Variants in PCDHGA4 observed in about 807,000 individuals in gnomAD.
PCDHGA4 encodes the protein protocadherin gamma-A4.
Under a neutral mutation model 54.6 loss-of-function variants are expected in PCDHGA4, and 38 were observed. That is an observed-to-expected ratio of 0.70 (90% CI 0.54 to 0.91). PCDHGA4 has a LOEUF of 0.91. Ranked by LOEUF, PCDHGA4 falls within the 40% of genes least tolerant of loss-of-function variation. The pLI is 0.00. For missense variants in PCDHGA4, 1,298 were observed against 1,220.9 expected, an observed-to-expected ratio of 1.06 and a Z score of -0.94; for synonymous variants, 511 against 512.9, an observed-to-expected ratio of 1.00 and a Z score of 0.05.
intron 1 of PCDHGA4, chr5:141,383,701 G>A (rs761689266): frequency 2.5e-6 from 4 of 1,613,810 alleles, no homozygotes; most frequent in South Asian, 1.1e-5. Flanking sequence ...ACATGCTATC[G>A]ACCTGGACGA....
chr5:141,401,922 A>C (rs899426870), intron 1 of PCDHGA4, among the ~76,000 whole-genome samples: 10 of 152,194 alleles, frequency 6.6e-5, no homozygotes, highest in Non-Finnish European at 1.3e-4. Flanking sequence ...AGTTTAAGTG[A>C]TGCTTAGAAT....
In PCDHGA4 at chr5:141,485,216, G is replaced by C. The variant is rs757059807; in HGVS notation, c.2515-9591G>C. On this transcript the variant is annotated intron_variant, in intron 1 of 3. Transcript: ENST00000571252. The surrounding 1 kb of genome is among the most constrained non-coding windows in gnomAD (Gnocchi z 5.7). ...AAGCTGGACAGAAATCTGGCGGTGG[G>C]CTACCCTTTTGTTCCTCTTTTACCA... 2.5e-6 allele frequency: 4 copies of C among 1,614,144 alleles called. No homozygotes were observed. In the South Asian group the frequency reaches 4.4e-5, roughly 18 times the overall value.
In PCDHGA4 at chr5:141,400,505, C is replaced by T. The variant is rs759107285; in HGVS notation, c.2514+42884C>T. The stretch of plus-strand genomic sequence containing the variant: ...TTTCCACTTTGTAATTCCAGCGAGT[C>T]GACTTCCCATCCTGAGTTGGTGAGT... On this transcript the variant is annotated intron_variant, in intron 1 of 3. Transcript: ENST00000571252. 9 of 1,613,816 alleles carry T rather than the reference C, an allele frequency of 5.6e-6. No homozygotes were observed. In the African/African-American group the frequency reaches 6.7e-5, roughly 12 times the overall value.
chr5:141,414,855 C>T (rs2095795912), intron 1 of PCDHGA4: 3 of 1,614,236 alleles, frequency 1.9e-6, no homozygotes, highest in Non-Finnish European at 2.5e-6. Flanking sequence ...TGGACCAGAA[C>T]GACAATGCGC....
intron 1 of PCDHGA4, chr5:141,388,021 T>G (rs933819691): frequency 6.9e-7 from 1 of 1,457,968 alleles, no homozygotes; most frequent in Non-Finnish European, 9.3e-7. Flanking sequence ...AAGGGCTCCG[T>G]AGTGGGGAAC....
intron 1 of PCDHGA4, among the ~76,000 whole-genome samples, chr5:141,437,246 C>A (rs897787623): frequency 6.6e-6 from 1 of 152,144 alleles, no homozygotes; most frequent in Non-Finnish European, 1.5e-5. Context: ...CAAGGACTTT[C>A]CTTGTCTTTT....
In PCDHGA4 at chr5:141,432,872, C is replaced by A. The variant is rs73280906; in HGVS notation, c.2515-61935C>A. The stretch of plus-strand genomic sequence containing the variant: ...GGTGGCCGCGGTCTCCTGCGTCTTC[C>A]TGGCCTTCGTCATCTTGCTGCTGGC... On this transcript the variant is annotated intron_variant, in intron 1 of 3. Transcript: ENST00000571252. The surrounding 1 kb of genome is among the most constrained non-coding windows in gnomAD (Gnocchi z 6.0). 2,361 of 1,614,192 alleles carry A rather than the reference C, an allele frequency of 1.5e-3. 32 individuals carry two copies. In the African/African-American group the frequency reaches 0.028, roughly 19 times the overall value.
intron 1 of PCDHGA4, among the ~76,000 whole-genome samples, chr5:141,369,122 T>C (rs1766045573): frequency 6.6e-6 from 1 of 152,188 alleles, no homozygotes; most frequent in Non-Finnish European, 1.5e-5. Context: ...GTAAGACACC[T>C]GTCAGAAACA....
chr5:141,402,749 G>A (rs768250544), intron 1 of PCDHGA4, among the ~76,000 whole-genome samples: 4 of 152,152 alleles, frequency 2.6e-5, no homozygotes, highest in Non-Finnish European at 5.9e-5. Flanking sequence ...TCAACTCTAA[G>A]CGAAAATCAG....
intron 1 of PCDHGA4, chr5:141,382,996 T>C (rs1296495835): frequency 6.2e-7 from 1 of 1,613,724 alleles, no homozygotes; most frequent in East Asian, 2.2e-5. Context: ...ACGTATTCTC[T>C]ACTCCGTGTC....
rs1330047112 is a variant in PCDHGA4 at position 141,355,258 on chromosome 5, C to G, written c.151C>G (p.Leu51Val). The G allele has an allele frequency of 6.2e-7, 1 of 1,613,408 alleles. No homozygotes were observed. The highest frequency in any genetic ancestry group is 8.5e-7 in the Non-Finnish European group (1 of 1,179,900). Reference sequence around the variant, plus strand: ...CCGGCTGCTCCAGATCTGCCTTCTCCTGGGGGTTCTGGTGGAAATCAGGGC... The same window carrying G: ...CCGGCTGCTCCAGATCTGCCTTCTCGTGGGGGTTCTGGTGGAAATCAGGGC... Reference protein sequence around the residue: ...HTRLLQICLLLGVLVEIRAEQ... With the variant: ...HTRLLQICLLVGVLVEIRAEQ... The change falls in exon 1 of 4, where the codon CTG becomes GTG. Residue 51 changes from leucine (L) to valine (V), a missense_variant. Transcript: ENST00000571252.
Position 141,493,022 on chromosome 5 carries a change from G to C in PCDHGA4, c.2515-1785G>C, listed in dbSNP as rs1184742888. On this transcript the variant is annotated intron_variant, in intron 1 of 3. Transcript: ENST00000571252. This position sits in a 1 kb window ranked among gnomAD's most constrained non-coding sequence, Gnocchi z 4.3. Reference sequence around the variant, plus strand: ...GCTATAGGCTCTGCCAGATGCCAGGGTGCCCTTATGTGTGAGGAAACTACA... The same window carrying C: ...GCTATAGGCTCTGCCAGATGCCAGGCTGCCCTTATGTGTGAGGAAACTACA... Among the ~76,000 whole-genome samples the C allele has an allele frequency of 6.6e-6, 1 of 152,222 alleles. No individual in the cohort carries two copies. Among genetic ancestry groups the C allele is most frequent in the Non-Finnish European group, 1.5e-5 (1 of 68,040 alleles).
chr5:141,468,330 CAA>C lies in PCDHGA4; in HGVS notation c.2515-26459_2515-26458del, dbSNP rs533390277. 202 of 79,822 alleles carry C rather than the reference CAA, an allele frequency of 2.5e-3. 2 individuals are homozygous for C. The highest frequency in any genetic ancestry group is 7.9e-3 in the Middle Eastern group (1 of 126). The allele number at this position is 79,822 out of a possible 1,614,324, so 4.9% of individuals were successfully genotyped here. Reference sequence around the variant, plus strand: ...ACAAGAGCAACGGTAAACTCCATCTCAAAAAAAAAAAAAAAAAAAGAAAGAAA... The same window carrying C: ...ACAAGAGCAACGGTAAACTCCATCTCAAAAAAAAAAAAAAAAAGAAAGAAA... On this transcript the variant is annotated intron_variant, in intron 1 of 3. Transcript: ENST00000571252.
At chr5:141,408,936 A>T in intron 1 of PCDHGA4, 4 of 1,613,548 alleles carry the variant, frequency 2.5e-6, no homozygotes, top group Non-Finnish European at 1.7e-6. Flanking sequence ...TTCAGCAGAG[A>T]CGAATATAGA....
At position 141,489,559 on chromosome 5, in the gene PCDHGA4, C is replaced by A; in HGVS notation, c.2515-5248C>A. ...CAGCACCAGCTGCCTGCTGCCAGTG[C>A]AGGTGGTGACTGAACACCCCCTGGA... On this transcript the variant is annotated intron_variant, in intron 1 of 3. Coordinates refer to ENST00000571252, the MANE Select transcript of PCDHGA4 (RefSeq NM_018917.4). This position sits in a 1 kb window ranked among gnomAD's most constrained non-coding sequence, Gnocchi z 4.5. The A allele has an allele frequency of 6.2e-7, 1 of 1,614,078 alleles. No homozygotes were observed. The highest frequency in any genetic ancestry group is 8.5e-7 in the Non-Finnish European group (1 of 1,180,014).
At chr5:141,393,101 C>T (rs891971324) in intron 1 of PCDHGA4, 2 of 1,613,564 alleles carry the variant, frequency 1.2e-6, no homozygotes, top group Non-Finnish European at 1.7e-6. Flanking sequence ...AGGAGCTCTG[C>T]GCTCAGAGCC....
At chr5:141,478,174 GA>G (rs1156842877) in intron 1 of PCDHGA4, 1 of 1,613,574 alleles carries the variant, frequency 6.2e-7, no homozygotes, top group East Asian at 2.2e-5. Context: ...CCCGGGAGCA[GA>G]AAAAAAATCT....
chr5:141,383,810 T>C (rs879645741), intron 1 of PCDHGA4: 2 of 1,613,958 alleles, frequency 1.2e-6, no homozygotes, highest in Non-Finnish European at 8.5e-7. Context: ...ATATCAACTT[T>C]AGAAGGATTA....
intron 1 of PCDHGA4, among the ~76,000 whole-genome samples, chr5:141,479,962 A>G: frequency 6.6e-6 from 1 of 152,226 alleles, no homozygotes; most frequent in Non-Finnish European, 1.5e-5. Context: ...GCAGTTAGTC[A>G]AATGAGGTTC....
Sources: allele counts gnomAD v4.1 joint callset (sites outside exome capture counted in the v4.1 genomes callset), GRCh38; gene constraint gnomAD v4.1.1; non-coding constraint Gnocchi (gnomAD v3.1); transcripts MANE v1.5; gene names NCBI Gene and HGNC (gene_info 2026-07-23, HGNC 2026-07-21).